The following TRDN variants were observed in gnomAD, a reference collection of about 807,000 sequenced individuals.
TRDN encodes the protein triadin in skeletal muscle.
Under a neutral mutation model 149.7 loss-of-function variants are expected in TRDN, and 161 were observed. That is an observed-to-expected ratio of 1.08 (90% confidence interval 0.95 to 1.23). The LOEUF is 1.23. Among genes scored for constraint, TRDN ranks in the 50% most tolerant of loss-of-function variants. The pLI is 0.00. For synonymous variants in TRDN, 294 were observed against 250.5 expected (o/e 1.17, Z -1.64); for missense variants, 896 against 823.5 (o/e 1.09, Z -1.08).
intron 4 of TRDN, among the ~76,000 whole-genome samples, chr6:123,543,929 A>T: frequency 6.6e-6 from 1 of 152,060 alleles, no homozygotes; most frequent in Non-Finnish European, 1.5e-5. Context: ...ATGATTCTCT[A>T]AGGAAAAAAG....
intron 24 of TRDN, among the ~76,000 whole-genome samples, chr6:123,283,828 A>C (rs185382337): frequency 6.7e-6 from 1 of 149,670 alleles, no homozygotes; most frequent in African/African-American, 2.4e-5. Context: ...ATGAAAAAAA[A>C]TTCCAGGAAT....
At chr6:123,577,897 G>C (rs1583275229) in intron 1 of TRDN, among the ~76,000 whole-genome samples, 1 of 152,232 alleles carries the variant, frequency 6.6e-6, no homozygotes, top group African/African-American at 2.4e-5. Context: ...GTGATATTGA[G>C]CTTTCTTCAT....
At chr6:123,443,123 G>A (rs973865032) in intron 10 of TRDN, among the ~76,000 whole-genome samples, 8 of 151,758 alleles carry the variant, frequency 5.3e-5, no homozygotes, top group Non-Finnish European at 1.0e-4. Flanking sequence ...TGCAAATATC[G>A]ATGGCATGTT....
At chr6:123,321,461 C>T (rs1007381093) in intron 23 of TRDN, among the ~76,000 whole-genome samples, 2 of 151,838 alleles carry the variant, frequency 1.3e-5, no homozygotes, top group African/African-American at 2.4e-5. Context: ...TTTTTTTATT[C>T]AGGATCTCCT....
At chr6:123,231,156 C>T (rs1191656407) in intron 38 of TRDN, among the ~76,000 whole-genome samples, 1 of 151,992 alleles carries the variant, frequency 6.6e-6, no homozygotes, top group East Asian at 1.9e-4. Flanking sequence ...TTGCAAAGCA[C>T]TTTGCTCTGT....
intron 2 of TRDN, among the ~76,000 whole-genome samples, chr6:123,566,271 C>A (rs1714233063): frequency 6.6e-6 from 1 of 152,040 alleles, no homozygotes; most frequent in South Asian, 2.1e-4. Flanking sequence ...AGATGTTATC[C>A]CCATTTCACA....
rs1562252219 is a variant in TRDN, at chr6:123,301,759, A to ATATATATATATATATG, written c.1510+14697_1510+14698insCATATATATATATATA. Among the ~76,000 whole-genome samples the ATATATATATATATATG allele has an allele frequency of 3.6e-5, 3 of 83,308 alleles. No individual in the cohort carries two copies. In the East Asian group the frequency reaches 4.4e-3, roughly 121 times the overall value. The allele number at this position is 83,308 out of a possible 152,430, so 54.7% of individuals were successfully genotyped here. A position where few individuals can be genotyped will look rare whatever the true frequency, so the allele number is the denominator to read the frequency against. The stretch of plus-strand genomic sequence containing the variant: ...TATGTATGTATATATATACATATAT[A>ATATATATATATATATG]TATATATATACATATATATATATAT... On this transcript the variant is annotated intron_variant, in intron 24 of 40. Coordinates refer to ENST00000334268, the MANE Select transcript of TRDN (RefSeq NM_006073.4).
At chr6:123,260,541 A>G in intron 34 of TRDN, 71 bp downstream of exon 34, 3 of 1,419,254 alleles carry the variant, frequency 2.1e-6, no homozygotes, top group Non-Finnish European at 2.8e-6. Flanking sequence ...AATGTTATAC[A>G]TCTAGAAACT....
chr6:123,534,938 T>C (rs1355937635), intron 4 of TRDN, among the ~76,000 whole-genome samples: 4 of 152,154 alleles, frequency 2.6e-5, no homozygotes, highest in Non-Finnish European at 4.4e-5. Context: ...TCCACATATA[T>C]GTCCTTTGCA....
chr6:123,425,881 T>G (rs1363118442), intron 12 of TRDN, among the ~76,000 whole-genome samples: 4 of 151,876 alleles, frequency 2.6e-5, no homozygotes, highest in Non-Finnish European at 5.9e-5. Flanking sequence ...TATCTATCTA[T>G]CTATCATCTA....
At chr6:123,227,751 T>A (rs5003434) in intron 38 of TRDN, among the ~76,000 whole-genome samples, 1 of 117,110 alleles carries the variant, frequency 8.5e-6, no homozygotes, top group South Asian at 3.3e-4. Context: ...GTTTGTTTGT[T>A]TTTGTTTGTT....
chr6:123,601,011 A>T (rs969903210), intron 1 of TRDN, among the ~76,000 whole-genome samples: 1 of 152,126 alleles, frequency 6.6e-6, no homozygotes, highest in East Asian at 1.9e-4. Context: ...TTGGAAAAAC[A>T]TACATGTTGT....
intron 19 of TRDN, among the ~76,000 whole-genome samples, chr6:123,370,153 A>G (rs1781268874): frequency 6.6e-6 from 1 of 152,146 alleles, no homozygotes; most frequent in Non-Finnish European, 1.5e-5. Context: ...TAAGAAATAG[A>G]ATATCGCCAA....
intron 38 of TRDN, among the ~76,000 whole-genome samples, chr6:123,251,023 G>T (rs1273793515): frequency 6.6e-6 from 1 of 152,014 alleles, no homozygotes; most frequent in Admixed American, 6.6e-5. Context: ...AAAAATCTTG[G>T]CATTACCTCC....
intron 12 of TRDN, among the ~76,000 whole-genome samples, chr6:123,435,092 A>AATATAAC (rs1178750631): frequency 2.0e-5 from 3 of 150,532 alleles, no homozygotes; most frequent in East Asian, 1.9e-4. Context: ...ATAAAATAAT[A>AATATAAC]ATATAACATA....
At chr6:123,548,644 A>T (rs928567507) in intron 2 of TRDN, 32 bp from the exon 3 acceptor site, 4 of 1,325,634 alleles carry the variant, frequency 3.0e-6, no homozygotes, top group Non-Finnish European at 3.9e-6. Flanking sequence ...AAAAAAGAAA[A>T]AGTTTGTGAT....
chr6:123,322,798 G>A (rs538006992), intron 23 of TRDN, among the ~76,000 whole-genome samples: 5 of 151,714 alleles, frequency 3.3e-5, no homozygotes, highest in South Asian at 2.1e-4. Flanking sequence ...CTACCACCAC[G>A]CCCAGCTAAT....
intron 38 of TRDN, among the ~76,000 whole-genome samples, chr6:123,249,555 T>G (rs1259815009): frequency 6.6e-6 from 1 of 152,128 alleles, no homozygotes; most frequent in Non-Finnish European, 1.5e-5. Context: ...GATAATTAGA[T>G]AAAGAACATG....
chr6:123,346,809 C>T (rs920348207), intron 21 of TRDN, among the ~76,000 whole-genome samples: 3 of 151,840 alleles, frequency 2.0e-5, no homozygotes, highest in Non-Finnish European at 2.9e-5. Context: ...TGTGATGCAA[C>T]CACATAGACA....
Sources: allele counts gnomAD v4.1 joint callset (sites outside exome capture counted in the v4.1 genomes callset), GRCh38; gene constraint gnomAD v4.1.1; transcripts MANE v1.5; gene names NCBI Gene and HGNC (gene_info 2026-07-23, HGNC 2026-07-21).